SHOC1: variants seen among roughly 807,000 people sequenced by gnomAD.
SHOC1 encodes the protein shortage in chiasmata 1.
Under a neutral mutation model 179.2 loss-of-function variants are expected in SHOC1, and 136 were observed. That is an observed-to-expected ratio of 0.76 (90% CI 0.66 to 0.87). The LOEUF (loss-of-function observed/expected upper bound fraction) is 0.87. Ranked by LOEUF, SHOC1 falls within the 40% of genes least tolerant of loss-of-function variation. The probability of loss-of-function intolerance (pLI) is 0.00; values close to 1 mark genes in which losing one functional copy is unlikely to be tolerated. For synonymous variants in SHOC1, 489 were observed against 586.6 expected, an observed-to-expected ratio of 0.83 and a Z score of 2.41; for missense variants, 1,538 against 1,700.8, an observed-to-expected ratio of 0.90 and a Z score of 1.68.
intron 12 of SHOC1, chr9:111,737,750 T>C (rs1833873352): frequency 6.6e-6 from 1 of 151,154 alleles, no homozygotes; most frequent in Admixed American, 6.6e-5. Flanking sequence ...ACTATTAATA[T>C]AATGCTGTAC....
intron 15 of SHOC1, among the ~76,000 whole-genome samples, chr9:111,721,811 A>G (rs953454717): frequency 6.6e-6 from 1 of 152,104 alleles, no homozygotes; most frequent in African/African-American, 2.4e-5. Context: ...TAAATTGTCT[A>G]CCAGGCTCTG....
In SHOC1 at chr9:111,714,531, T is replaced by G. The variant is rs1832700602; in HGVS notation, c.2329A>C (p.Arg777=). 1 of 1,613,984 alleles carries G rather than the reference T, an allele frequency of 6.2e-7. No homozygotes were observed. Residue 777 remains arginine, a synonymous_variant, in exon 17 of 28, where the codon AGG becomes CGG. Coordinates refer to ENST00000682961, the MANE Select transcript of SHOC1 (RefSeq NM_001378211.1). ...WRQLEIVQFI[R]GKKPETNYKI... ...TAGTTGGTTTCAGGCTTTTTCCCCC[T>G]AATAAACTGTACAATCTCCAGCTGT...
chr9:111,691,781 T>G lies in SHOC1; in HGVS notation c.4196A>C (p.Lys1399Thr). 1 of 1,613,938 alleles carries G rather than the reference T, an allele frequency of 6.2e-7. No homozygotes were observed. Among genetic ancestry groups the G allele is most frequent in the Non-Finnish European group, 8.5e-7 (1 of 1,179,982 alleles). Residue 1399 changes from lysine to threonine, a missense_variant, in exon 27 of 28, where the codon AAA becomes ACA. By Grantham distance (78) the Lys-to-Thr change is moderately conservative. Coordinates refer to ENST00000682961, the MANE Select transcript of SHOC1 (RefSeq NM_001378211.1). The part of the protein sequence containing the change: ...QKGNLFTDQQ[K>T]CLSDESEGLT... Reference sequence around the variant, plus strand: ...GCCTTCAGACTCATCTGATAGACATTTTTGCTGATCAGTGAATAAATTACC... The same window carrying G: ...GCCTTCAGACTCATCTGATAGACATGTTTGCTGATCAGTGAATAAATTACC...
At position 111,759,506 on chromosome 9, in the gene SHOC1, G is replaced by C. The variant is rs1003844392; in HGVS notation, c.443-658C>G. The C allele has an allele frequency of 1.3e-5, 16 of 1,216,284 alleles. No homozygotes were observed. In the African/African-American group the frequency reaches 2.3e-4, roughly 18 times the overall value. 75.3% of individuals were successfully genotyped at this position (1,216,284 alleles called of 1,614,324 possible). A position where few individuals can be genotyped will look rare whatever the true frequency, so the allele number is the denominator to read the frequency against. On this transcript the variant is annotated intron_variant, in intron 5 of 27. Coordinates refer to ENST00000682961, the MANE Select transcript of SHOC1 (RefSeq NM_001378211.1). Reference sequence around the variant, plus strand: ...TCGGTCTCCACCCTGCCTTGTCTGGGTTTCTTTAGAATCTTGGCTAGCTGT... The same window carrying C: ...TCGGTCTCCACCCTGCCTTGTCTGGCTTTCTTTAGAATCTTGGCTAGCTGT...
rs774237829 is a variant in SHOC1 at position 111,702,191 on chromosome 9, G to A, written c.3003C>T (p.Asp1001=). ...ATGCCATCAGCCTCATAATGATATT[G>A]TCTGATGCCTTCTCATAATTCAATT... ...LEELNYEKAS[D]NIIMRLMALS... The change falls in exon 23 of 28, where the codon GAC becomes GAT. Residue 1001 remains aspartate (D), a synonymous_variant. Coordinates refer to ENST00000682961, the MANE Select transcript of SHOC1 (RefSeq NM_001378211.1). 3 of 1,477,584 alleles carry A rather than the reference G, an allele frequency of 2.0e-6. No homozygotes were observed. The Admixed American group carries it at 5.1e-5, about 25-fold the overall frequency. 91.5% of individuals were successfully genotyped at this position (1,477,584 alleles called of 1,614,324 possible).
intron 18 of SHOC1, among the ~76,000 whole-genome samples, chr9:111,709,902 CACAAAA>C (rs1255110073): frequency 2.0e-5 from 3 of 151,952 alleles, no homozygotes; most frequent in African/African-American, 7.3e-5. Context: ...ACTATGTTCC[CACAAAA>C]ACTAAAACTA....
Position 111,694,272 on chromosome 9 carries a change from C to T in SHOC1, c.3274G>A (p.Glu1092Lys). 6.2e-7 allele frequency: 1 copy of T among 1,611,460 alleles called. No homozygotes were observed. The highest frequency in any genetic ancestry group is 8.5e-7 in the Non-Finnish European group (1 of 1,178,296). The stretch of plus-strand genomic sequence containing the variant: ...TTAAGCCAGGATTTATCCAACCATT[C>T]ATGAGGATCTCTCTTTGAGGTCATT... ...SLMTSKRDPHEWLDKSWLKVS... is the reference protein window; with the variant it reads ...SLMTSKRDPHKWLDKSWLKVS... Residue 1092 changes from glutamate to lysine, a missense_variant, in exon 25 of 28, where the codon GAA (glutamate) becomes AAA (lysine). Transcript: ENST00000682961.
chr9:111,791,406 A>G lies in SHOC1; in HGVS notation c.13T>C (p.Leu5=), dbSNP rs749611385. 40 of 1,478,788 alleles carry G rather than the reference A, an allele frequency of 2.7e-5. No homozygotes were observed. Among genetic ancestry groups the G allele is most frequent in the Middle Eastern group, 3.4e-4 (2 of 5,826 alleles). 91.6% of individuals were successfully genotyped at this position (1,478,788 alleles called of 1,614,324 possible). The change falls in exon 2 of 28, where the codon TTG becomes CTG. Residue 5 remains leucine, a synonymous_variant. Coordinates refer to ENST00000682961, the MANE Select transcript of SHOC1 (RefSeq NM_001378211.1). MFSA[L]KYHAIDYLYE... The stretch of plus-strand genomic sequence containing the variant: ...AAATAGTCTATTGCATGATATTTCA[A>G]TGCTGAAAACATATCTTCTTTCTTT...
Position 111,705,327 on chromosome 9 carries a change from CA to C in SHOC1, c.2774del (p.Leu925TrpfsTer25). 1.3e-6 allele frequency: 2 copies of C among 1,586,064 alleles called. No homozygotes were observed. Among genetic ancestry groups the C allele is most frequent in the South Asian group, 1.2e-5 (1 of 86,616 alleles). On this transcript the variant is annotated frameshift_variant, in exon 21 of 28. Transcript: ENST00000682961. LOFTEE classifies it high-confidence loss of function. ...TLLDRFGGFL[L>X]EIQIPYVFFA... is the part of the protein sequence containing the mutation. The stretch of plus-strand genomic sequence containing the variant: ...AAAACACATATGGAATCTGAATTTC[CA>C]AAAGAAAACCTCCAAATCTATCCAG...
Position 111,723,772 on chromosome 9 carries a change from T to C in SHOC1, c.1954+20A>G, listed in dbSNP as rs750597609. ...CAAACTAAGCAAATCTGAAATGCATTTTAAAAGCATATAACATACCTGACG... is the reference window on the plus strand; with the variant it reads ...CAAACTAAGCAAATCTGAAATGCATCTTAAAAGCATATAACATACCTGACG... On this transcript the variant is annotated intron_variant, in intron 14 of 27. Coordinates refer to ENST00000682961, the MANE Select transcript of SHOC1 (RefSeq NM_001378211.1). 1 of 1,605,634 alleles carries C rather than the reference T, an allele frequency of 6.2e-7. No individual in the cohort carries two copies. The highest frequency in any genetic ancestry group is 8.5e-7 in the Non-Finnish European group (1 of 1,178,212).
intron 21 of SHOC1, 56 bp downstream of exon 21, chr9:111,705,190 CA>C: frequency 1.4e-6 from 1 of 715,060 alleles, no homozygotes; most frequent in South Asian, 2.4e-5. Context: ...CACACACACA[CA>C]CACACATATA....
intron 15 of SHOC1, among the ~76,000 whole-genome samples, chr9:111,719,054 G>A (rs911635655): frequency 6.6e-6 from 1 of 152,258 alleles, no homozygotes; most frequent in Admixed American, 6.5e-5. Context: ...AGGCAAATAT[G>A]TAGTAGGGAA....
At chr9:111,769,586 C>T (rs1835485322) in intron 5 of SHOC1, among the ~76,000 whole-genome samples, 1 of 152,142 alleles carries the variant, frequency 6.6e-6, no homozygotes, top group South Asian at 2.1e-4. Flanking sequence ...ATCAATCCTC[C>T]CACCTCAGTC....
At chr9:111,730,603 A>T (rs1483434097) in intron 12 of SHOC1, among the ~76,000 whole-genome samples, 1 of 152,214 alleles carries the variant, frequency 6.6e-6, no homozygotes, top group Non-Finnish European at 1.5e-5. Context: ...AGTGGCCTTA[A>T]AATATTGTAA....
At position 111,686,690 on chromosome 9, in the gene SHOC1, G is replaced by T; in HGVS notation, c.*80C>A. On this transcript the variant is annotated 3_prime_UTR_variant, in exon 28 of 28. Coordinates refer to ENST00000682961, the MANE Select transcript of SHOC1 (RefSeq NM_001378211.1). ...AACAATTGTGTTTTCTTTAGTGTAT[G>T]AGCAAATCTAAATAATTGCGCTAGT... 1.1e-6 allele frequency: 1 copy of T among 881,634 alleles called. No homozygotes were observed. Among genetic ancestry groups the T allele is most frequent in the Non-Finnish European group, 1.9e-6 (1 of 532,916 alleles). 54.6% of individuals were successfully genotyped at this position (881,634 alleles called of 1,614,324 possible).
chr9:111,787,617 T>G (rs2131647262), intron 2 of SHOC1, among the ~76,000 whole-genome samples: 1 of 152,322 alleles, frequency 6.6e-6, no homozygotes, highest in Non-Finnish European at 1.5e-5. Flanking sequence ...GGAAGGGGTT[T>G]CTTGAGATGG....
chr9:111,788,393 C>T (rs1417277161), intron 2 of SHOC1, among the ~76,000 whole-genome samples: 2 of 151,974 alleles, frequency 1.3e-5, no homozygotes, highest in African/African-American at 4.8e-5. Flanking sequence ...GTGATCTGCC[C>T]GCCTCAGCCC....
chr9:111,786,389 C>T (rs571170483), intron 2 of SHOC1, among the ~76,000 whole-genome samples: 4 of 151,828 alleles, frequency 2.6e-5, no homozygotes, highest in Non-Finnish European at 5.9e-5. Context: ...GAGCCGAGAT[C>T]GCGCCACTGC....
At chr9:111,767,374 G>A (rs1835397505) in intron 5 of SHOC1, among the ~76,000 whole-genome samples, 1 of 152,158 alleles carries the variant, frequency 6.6e-6, no homozygotes, top group Non-Finnish European at 1.5e-5. Flanking sequence ...TGTGCATGGT[G>A]AGAGATAGGG....
Sources: gnomAD v4.1 joint callset for allele counts (sites outside exome capture counted in the v4.1 genomes callset) on GRCh38, gnomAD v4.1.1 for gene constraint, MANE v1.5 for transcripts, NCBI Gene and HGNC (gene_info 2026-07-23, HGNC 2026-07-21) for gene names.